SLCO2A1: variants seen among roughly 807,000 people sequenced by gnomAD.
The protein encoded by SLCO2A1 is solute carrier organic anion transporter family member 2A1.
In SLCO2A1, 60 loss-of-function variants were observed where a neutral mutation model predicts 71.7. That is an observed-to-expected ratio of 0.84 (90% CI 0.68 to 1.04). The LOEUF (loss-of-function observed/expected upper bound fraction) is 1.04, where lower values mean the gene tolerates loss of function less well. Ranked by LOEUF, SLCO2A1 falls within the 50% of genes least tolerant of loss-of-function variation. The probability of loss-of-function intolerance (pLI) is 0.00; values close to 1 mark genes in which losing one functional copy is unlikely to be tolerated. For synonymous variants in SLCO2A1, 308 were observed against 326.7 expected, an observed-to-expected ratio of 0.94 and a Z score of 0.62; for missense variants, 745 against 813.4, an observed-to-expected ratio of 0.92 and a Z score of 1.02.
chr3:133,984,441 G>A (rs1934662515), intron 1 of SLCO2A1, among the ~76,000 whole-genome samples: 1 of 152,154 alleles, frequency 6.6e-6, no homozygotes, highest in African/African-American at 2.4e-5. Flanking sequence ...TATGGAGAGG[G>A]ATCAGATTGA....
At chr3:134,013,252 C>T (rs1935376673) in intron 1 of SLCO2A1, among the ~76,000 whole-genome samples, 2 of 152,224 alleles carry the variant, frequency 1.3e-5, no homozygotes, top group Non-Finnish European at 2.9e-5. Context: ...ACCCCAAATA[C>T]ACTGTAAATC....
At chr3:134,027,418 A>G (rs1191021256) in intron 1 of SLCO2A1, among the ~76,000 whole-genome samples, 2 of 152,162 alleles carry the variant, frequency 1.3e-5, no homozygotes, top group Non-Finnish European at 2.9e-5. Context: ...CGATCTAATT[A>G]CTGGTGCATG....
chr3:133,948,641 C>T lies in SLCO2A1; in HGVS notation c.1000G>A (p.Ala334Thr), dbSNP rs1933649974. ...ATGACGGAGGAGAAGGTGCACTGGG[C>T]CAGGACCACCAGGACGAAGAGTGAG... is the stretch of plus-strand genomic sequence containing the variant. ...MNSLFVLVVL[A>T]QCTFSSVIAG... The change falls in exon 8 of 14, where the codon GCC becomes ACC. Residue 334 changes from alanine to threonine, a missense_variant. Physicochemically the swap from Ala to Thr is moderately conservative, Grantham distance 58. Coordinates refer to ENST00000310926, the MANE Select transcript of SLCO2A1 (RefSeq NM_005630.3). The T allele has an allele frequency of 6.2e-7, 1 of 1,614,048 alleles. No individual in the cohort carries two copies.
chr3:134,007,833 G>A (rs565091786), intron 1 of SLCO2A1, among the ~76,000 whole-genome samples: 1 of 152,144 alleles, frequency 6.6e-6, no homozygotes, highest in Non-Finnish European at 1.5e-5. Context: ...TCCTTGTGCA[G>A]GGTCAACTGA....
At chr3:134,016,337 TA>T (rs547310416) in intron 1 of SLCO2A1, among the ~76,000 whole-genome samples, 2,887 of 147,230 alleles carry the variant, frequency 0.02, 90 homozygotes, top group African/African-American at 0.065. Context: ...ATGCAACTGT[TA>T]AAAAAAAAAG....
At chr3:133,964,921 G>C (rs945462118) in intron 3 of SLCO2A1, among the ~76,000 whole-genome samples, 4 of 152,190 alleles carry the variant, frequency 2.6e-5, no homozygotes, top group African/African-American at 9.7e-5. Flanking sequence ...ACCAGCACCT[G>C]GCTCGGCTCA....
chr3:133,941,012 G>A (rs1211369239), intron 11 of SLCO2A1, among the ~76,000 whole-genome samples: 1 of 152,100 alleles, frequency 6.6e-6, no homozygotes, highest in Non-Finnish European at 1.5e-5. Flanking sequence ...AGGATTTGGG[G>A]GTCAAGGATA....
intron 1 of SLCO2A1, among the ~76,000 whole-genome samples, chr3:134,005,885 T>C (rs1338677189): frequency 6.6e-6 from 1 of 152,180 alleles, no homozygotes; most frequent in Non-Finnish European, 1.5e-5. Flanking sequence ...TTATTTTATT[T>C]TATTTTTAAC....
intron 1 of SLCO2A1, among the ~76,000 whole-genome samples, chr3:134,005,079 G>C (rs1935179188): frequency 6.6e-6 from 1 of 152,228 alleles, no homozygotes; most frequent in East Asian, 1.9e-4. Context: ...GAAAAGTATA[G>C]AGGGTAGGGC....
At chr3:134,021,474 C>G (rs1559961282) in intron 1 of SLCO2A1, among the ~76,000 whole-genome samples, 1 of 152,076 alleles carries the variant, frequency 6.6e-6, no homozygotes, top group Non-Finnish European at 1.5e-5. Flanking sequence ...TACATAGACA[C>G]TTGGTTACAG....
intron 1 of SLCO2A1, among the ~76,000 whole-genome samples, chr3:134,022,330 G>T (rs1311475737): frequency 6.6e-6 from 1 of 152,116 alleles, no homozygotes; most frequent in African/African-American, 2.4e-5. Context: ...CAGTTTGTAT[G>T]CAAGGTGTAT....
chr3:133,995,848 A>G lies in SLCO2A1; in HGVS notation c.97-16230T>C, dbSNP rs895345436. Among the ~76,000 whole-genome samples the G allele has an allele frequency of 2.0e-5, 3 of 152,360 alleles. No individual in the cohort carries two copies. The South Asian group carries it at 6.2e-4, about 32-fold the overall frequency. On this transcript the variant is annotated intron_variant, in intron 1 of 13. Transcript: ENST00000310926. ...ATAAGTGAGTGAATATAAAATTAAC[A>G]AATTGGGTTATAAATTCATTGTAGA...
intron 1 of SLCO2A1, among the ~76,000 whole-genome samples, chr3:133,987,398 A>G (rs1487994407): frequency 6.6e-6 from 1 of 151,844 alleles, no homozygotes; most frequent in Non-Finnish European, 1.5e-5. Flanking sequence ...TGGTCTCCAC[A>G]ACCTCTTATC....
chr3:133,970,579 A>G (rs1406516375), intron 3 of SLCO2A1, among the ~76,000 whole-genome samples: 21 of 152,252 alleles, frequency 1.4e-4, no homozygotes, highest in Admixed American at 1.4e-3. Flanking sequence ...CACGTGGTGC[A>G]CTGGCACCGT....
intron 8 of SLCO2A1, among the ~76,000 whole-genome samples, chr3:133,947,863 G>A (rs1272559732): frequency 1.3e-5 from 2 of 152,244 alleles, no homozygotes; most frequent in East Asian, 3.9e-4. Context: ...GGGGTGCACG[G>A]GAGTCACCCT....
chr3:133,964,967 G>C (rs1451032294), intron 3 of SLCO2A1, among the ~76,000 whole-genome samples: 1 of 152,224 alleles, frequency 6.6e-6, no homozygotes, highest in African/African-American at 2.4e-5. Context: ...TGAAGGGAAG[G>C]AAGACATACC....
chr3:134,015,917 T>G (rs978343610), intron 1 of SLCO2A1, among the ~76,000 whole-genome samples: 5 of 151,898 alleles, frequency 3.3e-5, no homozygotes, highest in African/African-American at 1.2e-4. Context: ...GGCAACTCAA[T>G]AAAGGATAGT....
chr3:133,979,700 AGGCTGACCTCTGTTTCCTC>A, intron 1 of SLCO2A1, 82 bp from the exon 2 acceptor site: 2 of 1,479,014 alleles, frequency 1.4e-6, no homozygotes, highest in Non-Finnish European at 1.8e-6. Context: ...GGGCCCCGGC[AGGCTGACCTCTGTTTCCTC>A]GCCTGTTATC....
rs1290992170 is a variant in SLCO2A1 at position 133,934,510 on chromosome 3, C to T, written c.*203G>A. The T allele has an allele frequency of 1.8e-5, 9 of 492,642 alleles. No homozygotes were observed. The highest frequency in any genetic ancestry group is 5.6e-4 in the Middle Eastern group (1 of 1,794). The allele number at this position is 492,642 out of a possible 1,614,324, so 30.5% of individuals were successfully genotyped here. A position where few individuals can be genotyped will look rare whatever the true frequency, so the allele number is the denominator to read the frequency against. ...AAGACTCAGCCCCCCAGTTCTGGCCCACACAGCCCGGGTACACAGTGGCCC... is the reference window on the plus strand; with the variant it reads ...AAGACTCAGCCCCCCAGTTCTGGCCTACACAGCCCGGGTACACAGTGGCCC... On this transcript the variant is annotated 3_prime_UTR_variant, in exon 14 of 14. Coordinates refer to ENST00000310926, the MANE Select transcript of SLCO2A1 (RefSeq NM_005630.3).
Sources: allele counts gnomAD v4.1 joint callset (sites outside exome capture counted in the v4.1 genomes callset), GRCh38; gene constraint gnomAD v4.1.1; transcripts MANE v1.5; gene names NCBI Gene and HGNC (gene_info 2026-07-23, HGNC 2026-07-21).